Variants in FAM135B observed in about 807,000 individuals in gnomAD.
FAM135B encodes protein FAM135B.
FAM135B carries 43 observed loss-of-function variants against 127.7 expected under a neutral mutation model. The ratio of observed to expected loss-of-function variants is 0.34; its 90% CI spans 0.26 to 0.43. FAM135B has a LOEUF of 0.43. Ranked by LOEUF, FAM135B falls within the 20% of genes least tolerant of loss-of-function variation. The probability of loss-of-function intolerance (pLI) is 1.00; values close to 1 mark genes in which losing one functional copy is unlikely to be tolerated. For synonymous variants in FAM135B, 670 were observed against 665.1 expected (o/e 1.01, Z -0.11); for missense variants, 1,558 against 1,725.6 (o/e 0.90, Z 1.72).
intron 3 of FAM135B, among the ~76,000 whole-genome samples, chr8:138,286,343 A>G (rs1824685377): frequency 6.6e-6 from 1 of 152,218 alleles, no homozygotes; most frequent in African/African-American, 2.4e-5. Flanking sequence ...ACATGGTGTC[A>G]GGTAGAAGGA....
chr8:138,382,436 A>C (rs1171609405), intron 1 of FAM135B, among the ~76,000 whole-genome samples: 1 of 152,100 alleles, frequency 6.6e-6, no homozygotes, highest in Non-Finnish European at 1.5e-5. Flanking sequence ...TGGTCGGCTC[A>C]TAGTCTCACA....
At chr8:138,153,367 G>T in intron 12 of FAM135B, 151 bp from the exon 13 acceptor site, 2 of 603,944 alleles carry the variant, frequency 3.3e-6, no homozygotes, top group Non-Finnish European at 5.6e-6. Context: ...ACAGCTCCCA[G>T]TGTGAGCGAT....
chr8:138,482,918 A>C (rs982987903), intron 1 of FAM135B, among the ~76,000 whole-genome samples: 2 of 151,910 alleles, frequency 1.3e-5, no homozygotes, highest in African/African-American at 4.8e-5. Flanking sequence ...CCATCCACCC[A>C]CCCATGCACC....
intron 3 of FAM135B, among the ~76,000 whole-genome samples, chr8:138,310,018 G>A (rs545967477): frequency 6.6e-5 from 10 of 151,988 alleles, no homozygotes; most frequent in South Asian, 2.1e-4. Flanking sequence ...GCAGGCGCCC[G>A]CCACCATGCC....
At chr8:138,160,604 C>T (rs1368267040) in intron 12 of FAM135B, among the ~76,000 whole-genome samples, 1 of 149,648 alleles carries the variant, frequency 6.7e-6, no homozygotes, top group African/African-American at 2.5e-5. Context: ...CACCATGTTG[C>T]CCAGGCTGGT....
At chr8:138,273,618 C>G (rs1267356248) in intron 3 of FAM135B, among the ~76,000 whole-genome samples, 2 of 152,138 alleles carry the variant, frequency 1.3e-5, no homozygotes, top group Non-Finnish European at 2.9e-5. Context: ...CTGGGAGATG[C>G]TGGGTGAGAT....
chr8:138,316,255 C>T (rs35811891), intron 2 of FAM135B, among the ~76,000 whole-genome samples: 29,971 of 152,034 alleles, frequency 0.2, 3,238 homozygotes, highest in East Asian at 0.36. Flanking sequence ...GCCTGTAATC[C>T]CAGCACTTTG....
intron 3 of FAM135B, among the ~76,000 whole-genome samples, chr8:138,296,328 G>A (rs1825479026): frequency 6.6e-6 from 1 of 152,114 alleles, no homozygotes; most frequent in Admixed American, 6.5e-5. Flanking sequence ...TGTATCTGCT[G>A]GTGACTCCAC....
At chr8:138,406,761 G>A (rs181940688) in intron 1 of FAM135B, among the ~76,000 whole-genome samples, 2,752 of 150,846 alleles carry the variant, frequency 0.018, 81 homozygotes, top group African/African-American at 0.06. Flanking sequence ...GACGTATCTC[G>A]AAATAATCAG....
At chr8:138,160,885 T>G (rs912866482) in intron 12 of FAM135B, among the ~76,000 whole-genome samples, 1 of 152,164 alleles carries the variant, frequency 6.6e-6, no homozygotes, top group African/African-American at 2.4e-5. Flanking sequence ...AAAGCATTTC[T>G]CCATCTTATG....
At chr8:138,214,748 GT>G (rs1818419225) in intron 7 of FAM135B, among the ~76,000 whole-genome samples, 1 of 152,128 alleles carries the variant, frequency 6.6e-6, no homozygotes, top group African/African-American at 2.4e-5. Context: ...AAAGTACAAG[GT>G]TGAAGCTGAG....
chr8:138,361,610 G>A lies in FAM135B; in HGVS notation c.77+6297C>T, dbSNP rs530541764. Among the ~76,000 whole-genome samples, 10 of 152,262 alleles carry A rather than the reference G, an allele frequency of 6.6e-5. 1 individual carries two copies. Among genetic ancestry groups the A allele is most frequent in the African/African-American group, 2.4e-4 (10 of 41,544 alleles). ...TCCTCTTCCGCAGTCTAGAAAGTCT[G>A]TGGCAGTTGACACTCACATCCCTAC... is the stretch of plus-strand genomic sequence containing the variant. On this transcript the variant is annotated intron_variant, in intron 2 of 19. Transcript: ENST00000395297.
At chr8:138,459,612 TCTCATC>T (rs1837009007) in intron 1 of FAM135B, 1 of 152,242 alleles carries the variant, frequency 6.6e-6, no homozygotes, top group Non-Finnish European at 1.5e-5. Flanking sequence ...TTTTTCTCTG[TCTCATC>T]CTCTTCAAGG....
chr8:138,259,843 C>T (rs1400423389), intron 4 of FAM135B, among the ~76,000 whole-genome samples: 1 of 152,154 alleles, frequency 6.6e-6, no homozygotes, highest in Admixed American at 6.5e-5. Flanking sequence ...ACAGCACATA[C>T]CTTATAGGTA....
intron 7 of FAM135B, among the ~76,000 whole-genome samples, chr8:138,204,817 C>G (rs568100446): frequency 1.3e-5 from 2 of 152,084 alleles, no homozygotes; most frequent in African/African-American, 4.8e-5. Flanking sequence ...TCAAACAGAC[C>G]CATAAAAGCA....
At chr8:138,260,132 CAGA>C (rs1274594740) in intron 4 of FAM135B, among the ~76,000 whole-genome samples, 1 of 152,174 alleles carries the variant, frequency 6.6e-6, no homozygotes, top group Non-Finnish European at 1.5e-5. Context: ...CAGGGGTCAG[CAGA>C]AGTTTATTAC....
intron 2 of FAM135B, among the ~76,000 whole-genome samples, chr8:138,320,026 A>G (rs546545654): frequency 6.6e-6 from 1 of 152,324 alleles, no homozygotes; most frequent in African/African-American, 2.4e-5. Context: ...TGGAAAAGAT[A>G]AAGAAACAGA....
intron 4 of FAM135B, among the ~76,000 whole-genome samples, chr8:138,262,833 C>T (rs759426711): frequency 7.4e-6 from 1 of 135,820 alleles, no homozygotes. Context: ...ACCCAAGAGG[C>T]GGAGGTTGCA....
intron 7 of FAM135B, among the ~76,000 whole-genome samples, chr8:138,226,182 T>TGCGCGCGCGC (rs199535766): frequency 8.4e-6 from 1 of 118,408 alleles, no homozygotes; most frequent in Admixed American, 8.6e-5. Context: ...TGTGTGTGTG[T>TGCGCGCGCGC]GTGCGCGCAT....
Sources: allele counts gnomAD v4.1 joint callset (sites outside exome capture counted in the v4.1 genomes callset), GRCh38; gene constraint gnomAD v4.1.1; transcripts MANE v1.5; gene names NCBI Gene and HGNC (gene_info 2026-07-23, HGNC 2026-07-21).